The following RYR2 variants were observed in gnomAD, a reference collection of about 807,000 sequenced individuals.
RYR2 encodes the protein ryanodine receptor 2, also known as cardiac muscle ryanodine receptor-calcium release channel.
RYR2 carries 227 observed loss-of-function variants against 601.1 expected under a neutral mutation model. That is an observed-to-expected ratio of 0.38 (90% CI 0.34 to 0.42). RYR2 has a LOEUF of 0.42. Ranked by LOEUF, RYR2 falls within the 10% of genes least tolerant of loss-of-function variation. The probability of loss-of-function intolerance (pLI) is 1.00; values close to 1 mark genes in which losing one functional copy is unlikely to be tolerated. For synonymous variants in RYR2, 2,223 were observed against 2,175.1 expected (o/e 1.02, Z -0.61); for missense variants, 4,646 against 6,156.5 (o/e 0.75, Z 8.21).
At chr1:237,792,364 T>TGTGTGTGCGCGC in intron 94 of RYR2, 41 bp downstream of exon 94, 1 of 876,328 alleles carries the variant, frequency 1.1e-6, no homozygotes, top group Non-Finnish European at 1.7e-6. Context: ...TGTGTGTGTG[T>TGTGTGTGCGCGC]GTGTGTGTGT....
chr1:237,633,541 T>C, intron 42 of RYR2, 37 bp from the exon 43 acceptor site: 1 of 1,612,632 alleles, frequency 6.2e-7, no homozygotes, highest in Non-Finnish European at 8.5e-7. Context: ...ATAAAGGTCG[T>C]TTGCTTTCAG....
In RYR2 at chr1:237,833,058, G is replaced by C. The variant is rs1025289151; in HGVS notation, c.*411G>C. On this transcript the variant is annotated 3_prime_UTR_variant, in exon 105 of 105. Transcript: ENST00000366574. ...AAACTGTCTGTCTAATGGTCACAGA[G>C]CACTGTAGCACTTAACAGATTGCCA... The C allele has an allele frequency of 1.3e-5, 2 of 157,542 alleles. No homozygotes were observed. The highest frequency in any genetic ancestry group is 4.8e-5 in the African/African-American group (2 of 41,560). The allele number at this position is 157,542 out of a possible 1,614,324, so 9.8% of individuals were successfully genotyped here.
intron 10 of RYR2, among the ~76,000 whole-genome samples, chr1:237,400,376 G>A (rs2149925813): frequency 6.6e-6 from 1 of 152,236 alleles, no homozygotes; most frequent in East Asian, 1.9e-4. Flanking sequence ...GGTCAGAAGG[G>A]AATGACTGTG....
At chr1:237,282,188 A>ATT (rs11413100) in intron 2 of RYR2, among the ~76,000 whole-genome samples, 182 of 145,356 alleles carry the variant, frequency 1.3e-3, no homozygotes, top group Admixed American at 2.0e-3. Context: ...AAGTTGGCGC[A>ATT]TTTTTTTTTT....
At chr1:237,117,755 C>CTCTTA (rs1670297237) in intron 1 of RYR2, among the ~76,000 whole-genome samples, 1 of 126,580 alleles carries the variant, frequency 7.9e-6, no homozygotes, top group East Asian at 2.4e-4. Flanking sequence ...CTCTTCTCTT[C>CTCTTA]TCTGTTCTGA....
chr1:237,667,744 G>C, intron 57 of RYR2, 139 bp from the exon 58 acceptor site: 1 of 581,088 alleles, frequency 1.7e-6, no homozygotes, highest in Non-Finnish European at 3.0e-6. Context: ...TTCTAAAGAA[G>C]AGTGTTTGAT....
intron 24 of RYR2, among the ~76,000 whole-genome samples, chr1:237,520,065 G>T (rs982788189): frequency 3.3e-5 from 5 of 152,040 alleles, no homozygotes; most frequent in African/African-American, 1.2e-4. Context: ...TTTTTATGTG[G>T]ATATTGTAAA....
chr1:237,576,260 T>C (rs1345682071), intron 29 of RYR2, among the ~76,000 whole-genome samples: 1 of 152,186 alleles, frequency 6.6e-6, no homozygotes, highest in Non-Finnish European at 1.5e-5. Context: ...GTCGATGTGA[T>C]GACTCTAAAA....
Position 237,580,145 on chromosome 1 carries a change from CACA to C in RYR2, c.3599-9643_3599-9641del, listed in dbSNP as rs547983338. 1.1e-4 allele frequency among the ~76,000 whole-genome samples: 15 copies of C among 135,008 alleles called. No individual in the cohort carries two copies. The South Asian group carries it at 2.3e-3, about 21-fold the overall frequency. The allele number at this position is 135,008 out of a possible 152,430, so 88.6% of individuals were successfully genotyped here. A position where few individuals can be genotyped will look rare whatever the true frequency, so the allele number is the denominator to read the frequency against. On this transcript the variant is annotated intron_variant, in intron 29 of 104. Transcript: ENST00000366574. ...TGGCTCCTCCAGAGCCACGTGAAAT[CACA>C]ACAATTCTTTTTTTTTTTTTTTTTG...
chr1:237,500,782 T>A lies in RYR2; in HGVS notation c.2275T>A (p.Leu759Ile), dbSNP rs768063536. The A allele has an allele frequency of 2.5e-6, 4 of 1,613,904 alleles. No individual in the cohort carries two copies. The East Asian group carries it at 8.9e-5, about 36-fold the overall frequency. Residue 759 changes from leucine (L) to isoleucine (I), a missense_variant, in exon 21 of 105, where the codon TTA (leucine) becomes ATA (isoleucine). Physicochemically the swap from Leu to Ile is conservative, Grantham distance 5. Coordinates refer to ENST00000366574, the MANE Select transcript of RYR2 (RefSeq NM_001035.3). Reference protein sequence around the residue: ...LRTDDVISCCLDLSAPSISFR... With the variant: ...LRTDDVISCCIDLSAPSISFR... ...AACTGATGATGTCATCAGTTGCTGT[T>A]TAGATCTGAGTGCCCCAAGCATCTC...
At chr1:237,479,207 C>G (rs1254218712) in intron 17 of RYR2, among the ~76,000 whole-genome samples, 4 of 152,160 alleles carry the variant, frequency 2.6e-5, no homozygotes, top group African/African-American at 7.2e-5. Context: ...AAAAATACAT[C>G]CACTTTGAAA....
intron 87 of RYR2, among the ~76,000 whole-genome samples, chr1:237,775,075 CAAAA>C (rs5781992): frequency 0.024 from 2,159 of 90,436 alleles, 35 homozygotes; most frequent in African/African-American, 0.072. Flanking sequence ...CAATAAGAAC[CAAAA>C]AAAAAAAAAA....
intron 2 of RYR2, among the ~76,000 whole-genome samples, chr1:237,309,358 C>T (rs952476788): frequency 6.6e-6 from 1 of 151,524 alleles, no homozygotes; most frequent in Non-Finnish European, 1.5e-5. Flanking sequence ...TTGAACTAGA[C>T]ACAGAGTGCT....
At chr1:237,579,961 A>G (rs1160785531) in intron 29 of RYR2, among the ~76,000 whole-genome samples, 2 of 152,138 alleles carry the variant, frequency 1.3e-5, no homozygotes, top group Non-Finnish European at 2.9e-5. Flanking sequence ...AGAAACGCAG[A>G]TGATATCTGA....
At chr1:237,694,601 C>T (rs1687253814) in intron 63 of RYR2, among the ~76,000 whole-genome samples, 2 of 151,894 alleles carry the variant, frequency 1.3e-5, no homozygotes, top group Admixed American at 1.3e-4. Flanking sequence ...AATTAGATGC[C>T]TATAATGAAA....
intron 7 of RYR2, among the ~76,000 whole-genome samples, chr1:237,375,733 A>G (rs761813954): frequency 2.0e-5 from 3 of 152,204 alleles, no homozygotes; most frequent in Non-Finnish European, 4.4e-5. Context: ...TACAGGCTCT[A>G]TCATTCCTCT....
At chr1:237,311,945 TAAAA>T (rs1389663733) in intron 2 of RYR2, among the ~76,000 whole-genome samples, 1 of 152,140 alleles carries the variant, frequency 6.6e-6, no homozygotes, top group Non-Finnish European at 1.5e-5. Flanking sequence ...TAAATATTCT[TAAAA>T]AACATGTGGA....
intron 23 of RYR2, among the ~76,000 whole-genome samples, chr1:237,507,404 T>G (rs1320176695): frequency 6.6e-6 from 1 of 152,220 alleles, no homozygotes; most frequent in Non-Finnish European, 1.5e-5. Context: ...TCCTAGTGTA[T>G]ATCATATACT....
At chr1:237,310,635 C>T (rs1267743304) in intron 2 of RYR2, among the ~76,000 whole-genome samples, 1 of 152,206 alleles carries the variant, frequency 6.6e-6, no homozygotes, top group Non-Finnish European at 1.5e-5. Context: ...GAAAGGCACA[C>T]ACCACAGACT....
Sources: allele counts gnomAD v4.1 joint callset (sites outside exome capture counted in the v4.1 genomes callset), GRCh38; gene constraint gnomAD v4.1.1; transcripts MANE v1.5; gene names NCBI Gene and HGNC (gene_info 2026-07-23, HGNC 2026-07-21).